Variants in DNAH8 observed in about 807,000 individuals in gnomAD.
DNAH8 encodes the protein dynein axonemal heavy chain 8.
A neutral mutation model predicts 562.1 loss-of-function variants in DNAH8; 382 were observed. That is an observed-to-expected ratio of 0.68 (90% CI 0.63 to 0.74). The LOEUF (loss-of-function observed/expected upper bound fraction) is 0.74, where lower values mean the gene tolerates loss of function less well. Among genes scored for constraint, DNAH8 ranks in the 30% least tolerant of loss-of-function variants. The probability of loss-of-function intolerance (pLI) is 0.00; values close to 1 mark genes in which losing one functional copy is unlikely to be tolerated. For missense variants in DNAH8, 5,203 were observed against 5,620.4 expected (o/e 0.93, Z 2.37); for synonymous variants, 1,881 against 1,919.4 (o/e 0.98, Z 0.52).
chr6:38,904,511 C>T (rs1257580867), intron 62 of DNAH8, among the ~76,000 whole-genome samples: 1 of 152,094 alleles, frequency 6.6e-6, no homozygotes, highest in Non-Finnish European at 1.5e-5. Context: ...AAAATGCTGG[C>T]CGGGCGCCCT....
intron 29 of DNAH8, among the ~76,000 whole-genome samples, chr6:38,826,991 G>T (rs1161804410): frequency 6.6e-6 from 1 of 152,082 alleles, no homozygotes; most frequent in Non-Finnish European, 1.5e-5. Flanking sequence ...ATCTAATGGG[G>T]CTAACATCAA....
At chr6:38,765,519 C>A (rs1766908954) in intron 11 of DNAH8, among the ~76,000 whole-genome samples, 1 of 152,100 alleles carries the variant, frequency 6.6e-6, no homozygotes, top group Non-Finnish European at 1.5e-5. Flanking sequence ...ATGTGGATAT[C>A]CAGTTTTCCT....
At chr6:38,905,026 A>G (rs1247546974) in intron 62 of DNAH8, among the ~76,000 whole-genome samples, 1 of 152,192 alleles carries the variant, frequency 6.6e-6, no homozygotes, top group East Asian at 1.9e-4. Flanking sequence ...AAAGCAATAC[A>G]TCACAGTCAG....
chr6:38,727,698 A>G (rs927784075), intron 3 of DNAH8, among the ~76,000 whole-genome samples: 11 of 152,154 alleles, frequency 7.2e-5, no homozygotes, highest in Non-Finnish European at 2.9e-5. Context: ...AAGTTTTTTC[A>G]AACACCCCTT....
At chr6:38,771,213 C>T (rs760360880) in intron 12 of DNAH8, among the ~76,000 whole-genome samples, 3 of 152,120 alleles carry the variant, frequency 2.0e-5, no homozygotes, top group Non-Finnish European at 4.4e-5. Context: ...GAAAGTAATG[C>T]GGAACATTAC....
At chr6:38,823,784 G>C in intron 28 of DNAH8, 96 bp downstream of exon 28, 21 of 634,444 alleles carry the variant, frequency 3.3e-5, no homozygotes, top group Non-Finnish European at 5.1e-5. Flanking sequence ...TGGTACAATA[G>C]TATTATACCA....
intron 25 of DNAH8, among the ~76,000 whole-genome samples, chr6:38,814,510 G>A (rs945853461): frequency 1.3e-5 from 2 of 152,108 alleles, no homozygotes; most frequent in Admixed American, 6.5e-5. Flanking sequence ...GAACCTGGGA[G>A]GTGGAGGTTG....
intron 53 of DNAH8, among the ~76,000 whole-genome samples, chr6:38,881,668 C>T (rs911803186): frequency 1.3e-5 from 2 of 151,690 alleles, no homozygotes; most frequent in African/African-American, 2.4e-5. Flanking sequence ...TCTCCTGCCT[C>T]AGCCTCCCGA....
chr6:38,844,274 T>C (rs779032206), intron 35 of DNAH8, among the ~76,000 whole-genome samples: 2 of 152,218 alleles, frequency 1.3e-5, no homozygotes, highest in Non-Finnish European at 2.9e-5. Context: ...TTTCCACTTT[T>C]GGTTCATGGA....
intron 82 of DNAH8, among the ~76,000 whole-genome samples, chr6:38,953,842 CTTTT>C (rs76740008): frequency 7.2e-6 from 1 of 139,836 alleles, no homozygotes; most frequent in African/African-American, 2.6e-5. Flanking sequence ...AATCCAATTA[CTTTT>C]TTTTTTTTTT....
chr6:38,847,453 C>G (rs1360387639), intron 36 of DNAH8, among the ~76,000 whole-genome samples: 2 of 151,906 alleles, frequency 1.3e-5, no homozygotes, highest in African/African-American at 4.8e-5. Context: ...AGCTCTCGAC[C>G]AGTGGCCAGG....
intron 88 of DNAH8, among the ~76,000 whole-genome samples, chr6:39,000,869 A>G (rs1036162535): frequency 1.3e-5 from 2 of 152,200 alleles, no homozygotes; most frequent in Non-Finnish European, 2.9e-5. Flanking sequence ...GCTGTCTTAA[A>G]GGATGTGCAG....
chr6:38,786,389 G>A (rs4714181), intron 17 of DNAH8, among the ~76,000 whole-genome samples: 3 of 152,090 alleles, frequency 2.0e-5, no homozygotes, highest in African/African-American at 7.2e-5. Context: ...TTGAAATGAG[G>A]TGGGGCATCT....
At chr6:38,811,289 T>G (rs1194881676) in intron 24 of DNAH8, among the ~76,000 whole-genome samples, 1 of 152,204 alleles carries the variant, frequency 6.6e-6, no homozygotes, top group Non-Finnish European at 1.5e-5. Context: ...CTTTTGTGAG[T>G]GAAGGAGCAC....
In DNAH8 at chr6:38,860,630, G is replaced by A. The variant is rs145974361; in HGVS notation, c.6131+1G>A. 185 of 1,507,322 alleles carry A rather than the reference G, an allele frequency of 1.2e-4. No homozygotes were observed. The highest frequency in any genetic ancestry group is 1.6e-4 in the Non-Finnish European group (180 of 1,138,962). 93.4% of individuals were successfully genotyped at this position (1,507,322 alleles called of 1,614,324 possible). A position where few individuals can be genotyped will look rare whatever the true frequency, so the allele number is the denominator to read the frequency against. ...TTGTTATCACTCCATTAACAGATAG[G>A]TAGGAAACCCAGTTTTCGTTTTTTA... On this transcript the variant is annotated splice_donor_variant, in intron 43 of 92. Transcript: ENST00000327475. LOFTEE classifies it high-confidence loss of function.
At chr6:38,768,660 C>G (rs914945057) in intron 11 of DNAH8, among the ~76,000 whole-genome samples, 2 of 152,042 alleles carry the variant, frequency 1.3e-5, no homozygotes, top group African/African-American at 4.8e-5. Flanking sequence ...CCCAATTTGT[C>G]TAAAATTTGT....
intron 21 of DNAH8, among the ~76,000 whole-genome samples, chr6:38,801,847 T>C (rs1770802862): frequency 6.6e-6 from 1 of 152,198 alleles, no homozygotes; most frequent in African/African-American, 2.4e-5. Flanking sequence ...ACATGGGGAA[T>C]ATGGGACTTC....
intron 53 of DNAH8, among the ~76,000 whole-genome samples, chr6:38,882,398 A>G (rs1298081721): frequency 6.6e-6 from 1 of 152,236 alleles, no homozygotes; most frequent in Non-Finnish European, 1.5e-5. Context: ...ATATGAGATT[A>G]TGTCCTTTGA....
intron 24 of DNAH8, among the ~76,000 whole-genome samples, chr6:38,808,429 T>G (rs1167831435): frequency 1.3e-5 from 2 of 152,202 alleles, no homozygotes; most frequent in Non-Finnish European, 2.9e-5. Context: ...TTTTCCTGGT[T>G]ACTGATGAGA....
Sources: gnomAD v4.1 joint callset for allele counts (sites outside exome capture counted in the v4.1 genomes callset) on GRCh38, gnomAD v4.1.1 for gene constraint, MANE v1.5 for transcripts, NCBI Gene and HGNC (gene_info 2026-07-23, HGNC 2026-07-21) for gene names.